Variants in NOL4 observed in about 807,000 individuals in gnomAD.
The protein encoded by NOL4 is cancer/testis antigen 125.
NOL4 carries 17 observed loss-of-function variants against 75.9 expected under a neutral mutation model. The ratio of observed to expected loss-of-function variants is 0.22; its 90% CI spans 0.15 to 0.34. NOL4 has a LOEUF of 0.34. Among genes scored for constraint, NOL4 ranks in the 10% least tolerant of loss-of-function variants. NOL4 has a pLI of 1.00. For synonymous variants in NOL4, 292 were observed against 289.9 expected, an observed-to-expected ratio of 1.01 and a Z score of -0.07; for missense variants, 614 against 793.5, an observed-to-expected ratio of 0.77 and a Z score of 2.72.
intron 9 of NOL4, among the ~76,000 whole-genome samples, chr18:33,940,396 T>C (rs931960244): frequency 1.3e-5 from 2 of 152,094 alleles, no homozygotes; most frequent in African/African-American, 4.8e-5. Flanking sequence ...TCATGTCCTT[T>C]GCAGGGACAT....
intron 9 of NOL4, among the ~76,000 whole-genome samples, chr18:33,905,319 A>T (rs2065970645): frequency 6.6e-6 from 1 of 152,122 alleles, no homozygotes. Context: ...TTTGTTGCCA[A>T]GTGAATGGGA....
At chr18:34,143,124 G>A (rs1188868053) in intron 1 of NOL4, among the ~76,000 whole-genome samples, 1 of 152,042 alleles carries the variant, frequency 6.6e-6, no homozygotes, top group East Asian at 1.9e-4. Flanking sequence ...AAACCAAGTG[G>A]AGGAGCTCAT....
chr18:34,132,736 C>CAAAAAAAAAAAAAAAAA (rs35140600), intron 1 of NOL4, among the ~76,000 whole-genome samples: 1 of 106,632 alleles, frequency 9.4e-6, no homozygotes, highest in African/African-American at 3.6e-5. Flanking sequence ...TTCAAAAACG[C>CAAAAAAAAAAAAAAAAA]AAAAAAAAAA....
intron 10 of NOL4, among the ~76,000 whole-genome samples, chr18:33,881,466 A>G (rs886579663): frequency 2.0e-5 from 3 of 151,836 alleles, no homozygotes; most frequent in Non-Finnish European, 2.9e-5. Context: ...GAATGCTTCC[A>G]GTTTTTGCCC....
At chr18:33,945,508 T>A (rs376138428) in intron 8 of NOL4, among the ~76,000 whole-genome samples, 1 of 151,814 alleles carries the variant, frequency 6.6e-6, no homozygotes, top group Non-Finnish European at 1.5e-5. Context: ...AAAGTTGTTA[T>A]GCATAATAAT....
At chr18:34,215,541 T>C (rs1250056476) in intron 1 of NOL4, among the ~76,000 whole-genome samples, 4 of 152,152 alleles carry the variant, frequency 2.6e-5, no homozygotes, top group African/African-American at 7.2e-5. Flanking sequence ...AAGGCTGCCA[T>C]ACAAATTTCA....
intron 1 of NOL4, among the ~76,000 whole-genome samples, chr18:34,203,717 T>TCTCTCTCACACA (rs1261546835): frequency 0.028 from 1,993 of 72,200 alleles, 59 homozygotes; most frequent in East Asian, 0.092. Flanking sequence ...TCTCTCTCTC[T>TCTCTCTCACACA]CACACACACA....
chr18:33,923,808 T>G, intron 9 of NOL4, among the ~76,000 whole-genome samples: 1 of 152,062 alleles, frequency 6.6e-6, no homozygotes, highest in East Asian at 1.9e-4. Context: ...GTACATATAG[T>G]TTTTTAAAAA....
intron 1 of NOL4, among the ~76,000 whole-genome samples, chr18:34,140,102 T>C (rs1246267460): frequency 6.6e-6 from 1 of 152,182 alleles, no homozygotes; most frequent in East Asian, 1.9e-4. Context: ...CTTCCAACTA[T>C]GTGGTCAATT....
chr18:33,963,495 A>G (rs773641451), intron 6 of NOL4, among the ~76,000 whole-genome samples: 2 of 152,126 alleles, frequency 1.3e-5, no homozygotes, highest in Non-Finnish European at 2.9e-5. Context: ...ACTATAGCCT[A>G]GGAAACCTTC....
At chr18:33,959,953 G>A (rs2069967631) in intron 6 of NOL4, among the ~76,000 whole-genome samples, 1 of 152,076 alleles carries the variant, frequency 6.6e-6, no homozygotes, top group Non-Finnish European at 1.5e-5. Flanking sequence ...GTGTGTGTGT[G>A]TGTGCGTGTA....
intron 5 of NOL4, among the ~76,000 whole-genome samples, chr18:34,036,893 C>G (rs529845339): frequency 1.1e-4 from 17 of 152,268 alleles, no homozygotes; most frequent in Non-Finnish European, 2.2e-4. Context: ...GATTGTGCCA[C>G]TGCACTCCTG....
At chr18:33,866,489 A>C (rs2063434224) in intron 10 of NOL4, among the ~76,000 whole-genome samples, 1 of 152,098 alleles carries the variant, frequency 6.6e-6, no homozygotes, top group Non-Finnish European at 1.5e-5. Flanking sequence ...AGAAGCAGTT[A>C]TTTGCCACAT....
intron 2 of NOL4, among the ~76,000 whole-genome samples, chr18:34,115,448 T>C (rs905359115): frequency 6.6e-6 from 1 of 151,756 alleles, no homozygotes; most frequent in Admixed American, 6.6e-5. Context: ...ACAGACACAA[T>C]CTACCATGCA....
chr18:34,080,481 A>T (rs925098733), intron 5 of NOL4, among the ~76,000 whole-genome samples: 3 of 152,162 alleles, frequency 2.0e-5, no homozygotes, highest in African/African-American at 7.2e-5. Flanking sequence ...TTAATAAGGC[A>T]TATATTACCC....
intron 1 of NOL4, among the ~76,000 whole-genome samples, chr18:34,205,656 C>G (rs907168517): frequency 2.0e-5 from 3 of 152,074 alleles, no homozygotes; most frequent in African/African-American, 7.2e-5. Context: ...GCAAGTGAAT[C>G]ACATTGACAA....
intron 8 of NOL4, among the ~76,000 whole-genome samples, chr18:33,944,323 A>G (rs1479293787): frequency 1.3e-5 from 2 of 151,878 alleles, no homozygotes; most frequent in Non-Finnish European, 2.9e-5. Flanking sequence ...AGTGTGTCTC[A>G]GCAAATTGAA....
chr18:34,105,315 A>C (rs2079219482), intron 2 of NOL4, among the ~76,000 whole-genome samples, 155 bp from the exon 3 acceptor site: 1 of 152,074 alleles, frequency 6.6e-6, no homozygotes, highest in Admixed American at 6.6e-5. Context: ...CATTTCAAGA[A>C]ATATCTATCA....
chr18:34,133,956 T>C (rs1432479829), intron 1 of NOL4, among the ~76,000 whole-genome samples: 1 of 151,870 alleles, frequency 6.6e-6, no homozygotes, highest in African/African-American at 2.4e-5. Flanking sequence ...CTGGGAGGTG[T>C]AGGTTGCAAT....
Sources: allele counts gnomAD v4.1 joint callset (sites outside exome capture counted in the v4.1 genomes callset), GRCh38; gene constraint gnomAD v4.1.1; transcripts MANE v1.5; gene names NCBI Gene and HGNC (gene_info 2026-07-23, HGNC 2026-07-21).